Variants in ITPR2 observed in about 807,000 individuals in gnomAD.
ITPR2 encodes the protein inositol 1,4,5-trisphosphate-gated calcium channel ITPR2.
In ITPR2, 207 loss-of-function variants were observed where a neutral mutation model predicts 317.1. The observed-to-expected ratio is 0.65, with a 90% confidence interval of 0.58 to 0.73. ITPR2 has a LOEUF of 0.73. Among genes scored for constraint, ITPR2 ranks in the 30% least tolerant of loss-of-function variants. The pLI, the probability that ITPR2 is intolerant of heterozygous loss-of-function variation, is 0.00. For missense variants in ITPR2, 2,613 were observed against 3,284.0 expected (o/e 0.80, Z 4.99); for synonymous variants, 1,156 against 1,149.1 (o/e 1.01, Z -0.12).
intron 45 of ITPR2, among the ~76,000 whole-genome samples, chr12:26,445,871 C>T (rs568442234): frequency 1.5e-4 from 23 of 152,140 alleles, no homozygotes; most frequent in East Asian, 9.7e-4. Context: ...TTTTTAAATA[C>T]GGAAAATAGA....
chr12:26,447,617 T>C (rs555904181), intron 45 of ITPR2, among the ~76,000 whole-genome samples: 14 of 152,128 alleles, frequency 9.2e-5, no homozygotes, highest in African/African-American at 3.1e-4. Flanking sequence ...AGTTTCACTT[T>C]TATTGGGTAC....
chr12:26,507,244 A>G (rs1257257416), intron 37 of ITPR2, among the ~76,000 whole-genome samples: 1 of 152,242 alleles, frequency 6.6e-6, no homozygotes, highest in Non-Finnish European at 1.5e-5. Context: ...ATTTTCATCA[A>G]CATTTCAAAG....
intron 2 of ITPR2, among the ~76,000 whole-genome samples, chr12:26,751,466 G>A (rs1949415950): frequency 6.6e-6 from 1 of 152,186 alleles, no homozygotes; most frequent in Non-Finnish European, 1.5e-5. Flanking sequence ...GCCCAGGTCA[G>A]GGGGAACGAG....
intron 21 of ITPR2, among the ~76,000 whole-genome samples, chr12:26,641,852 A>C (rs973553050): frequency 1.3e-5 from 2 of 152,204 alleles, no homozygotes; most frequent in African/African-American, 4.8e-5. Context: ...GAATGAGGAG[A>C]GTCCTTTTAG....
intron 37 of ITPR2, among the ~76,000 whole-genome samples, chr12:26,515,862 C>G (rs1468483518): frequency 6.6e-6 from 1 of 151,770 alleles, no homozygotes; most frequent in Non-Finnish European, 1.5e-5. Flanking sequence ...GTAATCCCAG[C>G]ACTTTGGGAG....
intron 32 of ITPR2, among the ~76,000 whole-genome samples, chr12:26,595,029 A>T (rs1288268799): frequency 6.6e-6 from 1 of 152,228 alleles, no homozygotes; most frequent in Admixed American, 6.5e-5. Context: ...ACAGCGAGCA[A>T]GGCCAAGTCC....
Position 26,644,174 on chromosome 12 carries a change from G to C in ITPR2, c.2740+9802C>G, listed in dbSNP as rs370840324. On this transcript the variant is annotated intron_variant, in intron 21 of 56. Transcript: ENST00000381340. ...AGCGGCCAAAAAGATTTCAAAGGAG[G>C]GGGTGCCACCTCACATCATGAGCTT... Among the ~76,000 whole-genome samples, 25 of 152,252 alleles carry C rather than the reference G, an allele frequency of 1.6e-4. No individual in the cohort carries two copies. The South Asian group carries it at 5.0e-3, about 30-fold the overall frequency.
At chr12:26,581,889 T>C (rs1945412701) in intron 32 of ITPR2, among the ~76,000 whole-genome samples, 1 of 152,172 alleles carries the variant, frequency 6.6e-6, no homozygotes, top group Non-Finnish European at 1.5e-5. Flanking sequence ...TCAGTGACAT[T>C]TCATGCAATT....
intron 32 of ITPR2, among the ~76,000 whole-genome samples, chr12:26,583,509 T>C (rs1486447733): frequency 6.6e-6 from 1 of 152,088 alleles, no homozygotes; most frequent in Non-Finnish European, 1.5e-5. Context: ...TAATATTTAA[T>C]ATAAAGAAGA....
At chr12:26,636,282 C>A (rs1946863563) in intron 21 of ITPR2, among the ~76,000 whole-genome samples, 1 of 152,194 alleles carries the variant, frequency 6.6e-6, no homozygotes, top group African/African-American at 2.4e-5. Flanking sequence ...CATGCACCCC[C>A]TTTAAATTTC....
At chr12:26,769,213 C>G (rs1292196882) in intron 2 of ITPR2, among the ~76,000 whole-genome samples, 1 of 152,180 alleles carries the variant, frequency 6.6e-6, no homozygotes, top group Admixed American at 6.5e-5. Context: ...GATCTCCATT[C>G]ATGTGGGCTG....
At chr12:26,589,847 TATATATACACACACAC>T (rs1945651039) in intron 32 of ITPR2, among the ~76,000 whole-genome samples, 1 of 36,088 alleles carries the variant, frequency 2.8e-5, no homozygotes, top group African/African-American at 1.0e-4. Context: ...TATATATATA[TATATATACACACACAC>T]ACACACACAC....
intron 40 of ITPR2, 53 bp from the exon 41 acceptor site, chr12:26,486,413 T>TAA (rs36049222): frequency 0.091 from 85,290 of 940,232 alleles, 10 homozygotes; most frequent in Non-Finnish European, 0.1. Context: ...TTTTACTAAT[T>TAA]AAAAAAAAAA....
intron 26 of ITPR2, among the ~76,000 whole-genome samples, chr12:26,608,899 T>C (rs1179641348): frequency 6.6e-6 from 1 of 151,904 alleles, no homozygotes; most frequent in Non-Finnish European, 1.5e-5. Flanking sequence ...TTATGTAAAA[T>C]GTAGAAAGCA....
At chr12:26,791,854 G>T (rs1404310431) in intron 1 of ITPR2, among the ~76,000 whole-genome samples, 1 of 152,112 alleles carries the variant, frequency 6.6e-6, no homozygotes, top group East Asian at 1.9e-4. Context: ...GTGAGGGAAA[G>T]GTCAGCTTTT....
chr12:26,829,972 C>T (rs4322504), intron 1 of ITPR2, among the ~76,000 whole-genome samples: 11,237 of 152,318 alleles, frequency 0.074, 580 homozygotes, highest in Admixed American at 0.11. Context: ...GGCGCAATCT[C>T]AGCTCACTGC....
intron 55 of ITPR2, among the ~76,000 whole-genome samples, chr12:26,346,585 C>T (rs1166040990): frequency 6.6e-6 from 1 of 150,782 alleles, no homozygotes; most frequent in Non-Finnish European, 1.5e-5. Context: ...ATCATTAACA[C>T]AGCACTGCAG....
chr12:26,693,127 T>A (rs1241493569), intron 10 of ITPR2, among the ~76,000 whole-genome samples: 1 of 152,192 alleles, frequency 6.6e-6, no homozygotes, highest in Non-Finnish European at 1.5e-5. Flanking sequence ...ATCAACTGTC[T>A]GCAGTTGGAT....
In ITPR2 at chr12:26,674,697, G is replaced by C. The variant is rs1213219417; in HGVS notation, c.1409+7177C>G. 2.6e-5 allele frequency among the ~76,000 whole-genome samples: 4 copies of C among 152,266 alleles called. No individual in the cohort carries two copies. In the East Asian group the frequency reaches 7.7e-4, roughly 29 times the overall value. On this transcript the variant is annotated intron_variant, in intron 13 of 56. Coordinates refer to ENST00000381340, the MANE Select transcript of ITPR2 (RefSeq NM_002223.4). Reference sequence around the variant, plus strand: ...CAACAAAAGCCAAAACTGACAAATGGGATCTAATTCAACTAAAGAGCTTCT... The same window carrying C: ...CAACAAAAGCCAAAACTGACAAATGCGATCTAATTCAACTAAAGAGCTTCT...
Sources: gnomAD v4.1 joint callset for allele counts (sites outside exome capture counted in the v4.1 genomes callset) on GRCh38, gnomAD v4.1.1 for gene constraint, MANE v1.5 for transcripts, NCBI Gene and HGNC (gene_info 2026-07-23, HGNC 2026-07-21) for gene names.